PTPRD: variants seen among roughly 807,000 people sequenced by gnomAD.
PTPRD encodes receptor-type tyrosine-protein phosphatase delta.
In PTPRD, 34 loss-of-function variants were observed where a neutral mutation model predicts 214.5. The ratio of observed to expected loss-of-function variants is 0.16; its 90% CI spans 0.12 to 0.21. The LOEUF (loss-of-function observed/expected upper bound fraction) is 0.21, where lower values mean the gene tolerates loss of function less well. Among genes scored for constraint, PTPRD ranks in the 10% least tolerant of loss-of-function variants. The pLI is 1.00. For synonymous variants in PTPRD, 1,128 were observed against 845.7 expected (o/e 1.33, Z -5.79); for missense variants, 2,545 against 2,398.7 (o/e 1.06, Z -1.27).
chr9:9,223,721 G>C (rs1004045916), intron 9 of PTPRD, among the ~76,000 whole-genome samples: 1 of 151,836 alleles, frequency 6.6e-6, no homozygotes, highest in African/African-American at 2.4e-5. Flanking sequence ...ACATTATCAG[G>C]CAAAGTGCAT....
chr9:9,450,867 T>C (rs573061854), intron 8 of PTPRD, among the ~76,000 whole-genome samples: 21 of 151,152 alleles, frequency 1.4e-4, no homozygotes, highest in African/African-American at 5.1e-4. Flanking sequence ...TCTTTCCAAA[T>C]TGAATGTCTA....
At chr9:9,072,947 A>C (rs1017236305) in intron 10 of PTPRD, among the ~76,000 whole-genome samples, 1 of 152,172 alleles carries the variant, frequency 6.6e-6, no homozygotes, top group Non-Finnish European at 1.5e-5. Context: ...GCCATCTTGA[A>C]CAGATCTCTA....
chr9:9,925,519 C>T (rs920792293), intron 5 of PTPRD, among the ~76,000 whole-genome samples: 3 of 151,798 alleles, frequency 2.0e-5, no homozygotes, highest in Admixed American at 1.3e-4. Context: ...CTTCACTTCA[C>T]ATTAGTTTTT....
intron 9 of PTPRD, among the ~76,000 whole-genome samples, chr9:9,355,456 G>A (rs2053403388): frequency 6.6e-6 from 1 of 151,618 alleles, no homozygotes; most frequent in Non-Finnish European, 1.5e-5. Flanking sequence ...ATATTGGAAT[G>A]TCATGAATAA....
intron 7 of PTPRD, among the ~76,000 whole-genome samples, chr9:9,651,004 C>T (rs559650390): frequency 1.0e-3 from 159 of 151,862 alleles, no homozygotes; most frequent in Non-Finnish European, 1.8e-3. Flanking sequence ...AATTTATCTT[C>T]GCAAAAAGAC....
intron 14 of PTPRD, among the ~76,000 whole-genome samples, chr9:8,584,055 G>A (rs1179525649): frequency 6.6e-6 from 1 of 152,122 alleles, no homozygotes; most frequent in Non-Finnish European, 1.5e-5. Context: ...TTGGGAAGCT[G>A]ACACAGGAGG....
chr9:9,613,131 C>CATATAT (rs1383091159), intron 7 of PTPRD, among the ~76,000 whole-genome samples: 1,810 of 39,682 alleles, frequency 0.046, 134 homozygotes, highest in Non-Finnish European at 0.06. Flanking sequence ...AGTATACATA[C>CATATAT]ATACATATAT....
At chr9:9,718,794 A>G (rs959884444) in intron 7 of PTPRD, among the ~76,000 whole-genome samples, 1 of 152,154 alleles carries the variant, frequency 6.6e-6, no homozygotes, top group African/African-American at 2.4e-5. Flanking sequence ...CTGAGGCTAA[A>G]ACTTTGGGTG....
chr9:9,134,597 G>A (rs1312351274), intron 10 of PTPRD, among the ~76,000 whole-genome samples: 1 of 152,136 alleles, frequency 6.6e-6, no homozygotes, highest in African/African-American at 2.4e-5. Context: ...ATTATCGAGA[G>A]TAAAAATTTA....
chr9:10,303,426 G>A (rs900279881), intron 3 of PTPRD, among the ~76,000 whole-genome samples: 3 of 145,474 alleles, frequency 2.1e-5, no homozygotes, highest in Non-Finnish European at 3.0e-5. Context: ...AGAACTGAAG[G>A]AGATAGAAAC....
chr9:9,077,538 C>G (rs2099753053), intron 10 of PTPRD, among the ~76,000 whole-genome samples: 2 of 152,014 alleles, frequency 1.3e-5, no homozygotes, highest in Non-Finnish European at 2.9e-5. Context: ...ATCTATTACT[C>G]CTTTTTTATG....
intron 3 of PTPRD, among the ~76,000 whole-genome samples, chr9:10,123,552 T>G (rs971436835): frequency 2.6e-5 from 4 of 152,200 alleles, no homozygotes; most frequent in Admixed American, 6.5e-5. Flanking sequence ...CTGTCCTTCA[T>G]GAACCATCTT....
rs3076350 is a variant in PTPRD at position 10,418,446 on chromosome 9, T to TACACAC, written c.-599-77435_-599-77430dup. Among the ~76,000 whole-genome samples the TACACAC allele has an allele frequency of 8.0e-3, 996 of 124,706 alleles. 11 individuals carry two copies. Among genetic ancestry groups the TACACAC allele is most frequent in the African/African-American group, 0.011 (362 of 32,518 alleles). The allele number at this position is 124,706 out of a possible 152,430, so 81.8% of individuals were successfully genotyped here. On this transcript the variant is annotated intron_variant, in intron 2 of 45. Transcript: ENST00000381196. ...ACATTTAAAATGAAGCCTTCCCCTC[T>TACACAC]ACACACACACACACACACACACACA...
chr9:9,933,388 C>T (rs1434691440), intron 5 of PTPRD, among the ~76,000 whole-genome samples: 3 of 151,658 alleles, frequency 2.0e-5, no homozygotes, highest in East Asian at 1.9e-4. Flanking sequence ...GGAAGATCTA[C>T]CAAGCAAATG....
intron 3 of PTPRD, among the ~76,000 whole-genome samples, chr9:10,257,948 T>C (rs2093405643): frequency 6.6e-6 from 1 of 151,916 alleles, no homozygotes; most frequent in Non-Finnish European, 1.5e-5. Flanking sequence ...AAAGCGGGTG[T>C]GTGTTATGTG....
At chr9:10,440,232 G>C (rs532690028) in intron 2 of PTPRD, among the ~76,000 whole-genome samples, 1 of 151,666 alleles carries the variant, frequency 6.6e-6, no homozygotes, top group East Asian at 1.9e-4. Context: ...GAAGCATCAG[G>C]TATTCCTTTA....
At chr9:9,352,846 T>A (rs2053637685) in intron 9 of PTPRD, among the ~76,000 whole-genome samples, 1 of 151,974 alleles carries the variant, frequency 6.6e-6, no homozygotes, top group Non-Finnish European at 1.5e-5. Context: ...AAGTCATGCA[T>A]AAAAAAGGTA....
At chr9:8,960,043 G>C (rs534268326) in intron 11 of PTPRD, among the ~76,000 whole-genome samples, 1 of 151,960 alleles carries the variant, frequency 6.6e-6, no homozygotes, top group Non-Finnish European at 1.5e-5. Context: ...CAATATTGTA[G>C]GGTTAAAGGC....
At chr9:8,526,925 G>T (rs1483028014) in intron 16 of PTPRD, among the ~76,000 whole-genome samples, 1 of 151,244 alleles carries the variant, frequency 6.6e-6, no homozygotes, top group Non-Finnish European at 1.5e-5. Context: ...GGTCATATAG[G>T]GTTAGAATTA....
Sources: allele counts gnomAD v4.1 joint callset (sites outside exome capture counted in the v4.1 genomes callset), GRCh38; gene constraint gnomAD v4.1.1; transcripts MANE v1.5; gene names NCBI Gene and HGNC (gene_info 2026-07-23, HGNC 2026-07-21).